Variants in MLPH observed in about 807,000 individuals in gnomAD.
MLPH encodes the protein melanophilin, also known as exophilin-3.
Under a neutral mutation model 72.1 loss-of-function variants are expected in MLPH, and 51 were observed. The observed-to-expected ratio is 0.71, with a 90% CI of 0.56 to 0.89. The LOEUF (loss-of-function observed/expected upper bound fraction) is 0.89. Ranked by LOEUF, MLPH falls within the 40% of genes least tolerant of loss-of-function variation. The pLI is 0.00. For synonymous variants in MLPH, 301 were observed against 310.1 expected (o/e 0.97, Z 0.31); for missense variants, 743 against 759.9 (o/e 0.98, Z 0.26).
At chr2:237,516,907 G>T (rs1042451338) in intron 4 of MLPH, among the ~76,000 whole-genome samples, 1 of 141,456 alleles carries the variant, frequency 7.1e-6, no homozygotes, top group African/African-American at 3.1e-5. Flanking sequence ...TAGGATGGAT[G>T]GATGGTAGGA....
chr2:237,490,775 T>C (rs973034231), intron 1 of MLPH, among the ~76,000 whole-genome samples: 1 of 152,198 alleles, frequency 6.6e-6, no homozygotes, highest in African/African-American at 2.4e-5. Flanking sequence ...CCAGAAAGTG[T>C]GTGCTCTGTG....
intron 12 of MLPH, among the ~76,000 whole-genome samples, chr2:237,544,450 TG>T (rs1215858798): frequency 3.2e-5 from 1 of 31,602 alleles, no homozygotes; most frequent in Non-Finnish European, 4.8e-5. Flanking sequence ...CGGTAGTGAG[TG>T]GGGGGACAGT....
chr2:237,487,100 C>A (rs1367708885), upstream of MLPH: 2 of 152,294 alleles, frequency 1.3e-5, no homozygotes, highest in African/African-American at 4.8e-5. Flanking sequence ...GGGGCTCTCC[C>A]CCGCACTGGC....
chr2:237,509,355 C>A (rs963659152), intron 2 of MLPH, among the ~76,000 whole-genome samples: 1 of 152,176 alleles, frequency 6.6e-6, no homozygotes, highest in African/African-American at 2.4e-5. Flanking sequence ...GCTGTGCTGG[C>A]CCTCAGGGTA....
Position 237,534,490 on chromosome 2 carries a change from G to A in MLPH, c.1021-74G>A, listed in dbSNP as rs2080490103. On this transcript the variant is annotated intron_variant, in intron 8 of 15. Coordinates refer to ENST00000264605, the MANE Select transcript of MLPH (RefSeq NM_024101.7). ...TTCTTGGGAATTTGGTGCTTCAGAG[G>A]TGGTGGGTGCCAGTGTCTTGCTGGT... 9.9e-6 allele frequency: 12 copies of A among 1,216,970 alleles called. No homozygotes were observed. In the East Asian group the frequency reaches 2.6e-4, roughly 26 times the overall value. 75.4% of individuals were successfully genotyped at this position (1,216,970 alleles called of 1,614,324 possible).
chr2:237,531,652 T>G (rs1469726923), intron 8 of MLPH, among the ~76,000 whole-genome samples: 1 of 152,240 alleles, frequency 6.6e-6, no homozygotes, highest in Non-Finnish European at 1.5e-5. Context: ...TATTTATTCC[T>G]ATTAACTTGT....
rs73100915 is a variant in MLPH, at chr2:237,518,131, G to C, written c.446-408G>C. 6.9e-3 allele frequency: 2,297 copies of C among 331,882 alleles called. 49 individuals are homozygous for C. Among genetic ancestry groups the C allele is most frequent in the African/African-American group, 0.046 (2,096 of 45,984 alleles). The allele number at this position is 331,882 out of a possible 1,614,324, so 20.6% of individuals were successfully genotyped here. On this transcript the variant is annotated intron_variant, in intron 4 of 15. Transcript: ENST00000264605. ...TGGATGAAGGAGGGATGGAGGGATG[G>C]ATGGATGGATGGGTGGGTAGGTGAA...
chr2:237,516,346 G>T (rs1193144979), intron 4 of MLPH, among the ~76,000 whole-genome samples: 1 of 152,166 alleles, frequency 6.6e-6, no homozygotes, highest in Admixed American at 6.5e-5. Flanking sequence ...GTGCTAGGGA[G>T]GCCAGGCCCA....
chr2:237,528,176 G>A (rs1455474679), intron 8 of MLPH, among the ~76,000 whole-genome samples: 2 of 152,290 alleles, frequency 1.3e-5, no homozygotes, highest in East Asian at 3.9e-4. Flanking sequence ...TTTGCATGAT[G>A]AAAGGAGCCC....
chr2:237,542,523 C>A, intron 11 of MLPH, 44 bp from the exon 12 acceptor site: 1 of 1,482,180 alleles, frequency 6.7e-7, no homozygotes, highest in Non-Finnish European at 9.2e-7. Flanking sequence ...GGCGGGATCT[C>A]GAGCGTCTGT....
intron 2 of MLPH, among the ~76,000 whole-genome samples, chr2:237,507,654 T>C (rs1302811469): frequency 6.6e-6 from 1 of 152,202 alleles, no homozygotes; most frequent in Non-Finnish European, 1.5e-5. Flanking sequence ...TTGGAAACCC[T>C]CATCAAAAGT....
In MLPH at chr2:237,546,362, AT is replaced by A; in HGVS notation, c.1540-241del. On this transcript the variant is annotated intron_variant, in intron 12 of 15. Transcript: ENST00000264605. ...AGCTTGGTGATTGTGGAGTCTCAAG[AT>A]TTGTTTTCTTTTCACAATCTGAAAT... is the stretch of plus-strand genomic sequence containing the variant. 6 of 546,212 alleles carry A rather than the reference AT, an allele frequency of 1.1e-5. No individual in the cohort carries two copies. In the South Asian group the frequency reaches 1.2e-4, roughly 11 times the overall value. The allele number at this position is 546,212 out of a possible 1,614,324, so 33.8% of individuals were successfully genotyped here.
intron 7 of MLPH, among the ~76,000 whole-genome samples, chr2:237,526,543 T>G (rs1310961133): frequency 1.3e-5 from 2 of 152,118 alleles, no homozygotes; most frequent in African/African-American, 4.8e-5. Context: ...ATTAAATGAA[T>G]CTACTTTGGC....
upstream of MLPH, among the ~76,000 whole-genome samples, chr2:237,486,999 G>T (rs909326864): frequency 6.6e-6 from 1 of 152,126 alleles, no homozygotes; most frequent in Non-Finnish European, 1.5e-5. Flanking sequence ...ATGCAAAGTC[G>T]CCGCAACTCA....
chr2:237,525,200 T>G (rs1044845577), intron 6 of MLPH, among the ~76,000 whole-genome samples: 3 of 152,152 alleles, frequency 2.0e-5, no homozygotes, highest in African/African-American at 4.8e-5. Flanking sequence ...GATTAAGGTG[T>G]ACATAGTTAG....
At chr2:237,494,809 G>A (rs892629334) in intron 2 of MLPH, among the ~76,000 whole-genome samples, 4 of 152,204 alleles carry the variant, frequency 2.6e-5, no homozygotes, top group Admixed American at 6.5e-5. Context: ...GATGCGTTAC[G>A]AGAGCTTCGT....
chr2:237,533,280 G>A (rs984322767), intron 8 of MLPH, among the ~76,000 whole-genome samples: 4 of 152,172 alleles, frequency 2.6e-5, no homozygotes, highest in Admixed American at 2.0e-4. Flanking sequence ...TTTTGAGACT[G>A]CAGAGAGGCT....
intron 15 of MLPH, chr2:237,553,223 C>T: frequency 4.1e-6 from 2 of 491,900 alleles, no homozygotes; most frequent in African/African-American, 1.9e-5. Context: ...GGGAGGGGAC[C>T]AATCCGAGGT....
At chr2:237,517,497 G>A (rs1266343553) in intron 4 of MLPH, among the ~76,000 whole-genome samples, 1 of 151,522 alleles carries the variant, frequency 6.6e-6, no homozygotes, top group Non-Finnish European at 1.5e-5. Flanking sequence ...GTGGATAGAT[G>A]GATAGATGTC....
Sources: allele counts gnomAD v4.1 joint callset (sites outside exome capture counted in the v4.1 genomes callset), GRCh38; gene constraint gnomAD v4.1.1; transcripts MANE v1.5; gene names NCBI Gene and HGNC (gene_info 2026-07-23, HGNC 2026-07-21).